ANKFY1: variants seen among roughly 807,000 people sequenced by gnomAD.
ANKFY1 encodes ankyrin repeat and FYVE domain-containing protein 1.
ANKFY1 carries 47 observed loss-of-function variants against 128.3 expected under a neutral mutation model. That is an observed-to-expected ratio of 0.37 (90% CI 0.29 to 0.47). The LOEUF is 0.47. ANKFY1 is among the 20% of genes least tolerant of loss of function. The pLI is 1.00. For missense variants in ANKFY1, 1,222 were observed against 1,510.6 expected (o/e 0.81, Z 3.17); for synonymous variants, 553 against 601.6 (o/e 0.92, Z 1.18).
At chr17:4,180,026 C>T (rs1305877328) in intron 16 of ANKFY1, 149 bp from the exon 17 acceptor site, 3 of 974,654 alleles carry the variant, frequency 3.1e-6, no homozygotes, top group Non-Finnish European at 4.6e-6. Flanking sequence ...CCTCAAATAC[C>T]AGAGTCGGGG....
chr17:4,179,538 T>C, intron 17 of ANKFY1, 183 bp downstream of exon 17: 1 of 722,514 alleles, frequency 1.4e-6, no homozygotes, highest in Non-Finnish European at 2.3e-6. Flanking sequence ...CCTCCTGTTG[T>C]AGTAAGGACA....
At chr17:4,223,637 A>G (rs949550916) in intron 3 of ANKFY1, 52 of 1,548,342 alleles carry the variant, frequency 3.4e-5, no homozygotes, top group Non-Finnish European at 4.2e-5. Context: ...GACGCCCTAC[A>G]TGGACACTGA....
chr17:4,184,639 G>GTTC (rs2059577828), intron 12 of ANKFY1, among the ~76,000 whole-genome samples, 179 bp downstream of exon 12: 1 of 152,164 alleles, frequency 6.6e-6, no homozygotes, highest in Non-Finnish European at 1.5e-5. Context: ...AACACACACA[G>GTTC]GGAAGCAGCA....
chr17:4,189,703 G>T (rs2059680871), intron 10 of ANKFY1, among the ~76,000 whole-genome samples: 1 of 136,900 alleles, frequency 7.3e-6, no homozygotes, highest in African/African-American at 2.9e-5. Flanking sequence ...CAGACAGTAG[G>T]CCCACGCCAG....
In ANKFY1 at chr17:4,164,993, C is replaced by G. The variant is rs537112058; in HGVS notation, c.*2786G>C. 9 of 152,760 alleles carry G rather than the reference C, an allele frequency of 5.9e-5. No homozygotes were observed. The East Asian group carries it at 1.2e-3, about 20-fold the overall frequency. The allele number at this position is 152,760 out of a possible 1,614,324, so 9.5% of individuals were successfully genotyped here. Reference sequence around the variant, plus strand: ...GGGTTGACCGTGCACAGGCCCAAAACTCCAAATGGAACACATGTTCTAACA... The same window carrying G: ...GGGTTGACCGTGCACAGGCCCAAAAGTCCAAATGGAACACATGTTCTAACA... On this transcript the variant is annotated 3_prime_UTR_variant, in exon 25 of 25. Transcript: ENST00000341657.
At chr17:4,212,086 C>T (rs2060143278) in intron 4 of ANKFY1, among the ~76,000 whole-genome samples, 1 of 152,142 alleles carries the variant, frequency 6.6e-6, no homozygotes, top group African/African-American at 2.4e-5. Flanking sequence ...TCCCATGAGA[C>T]CAGGCCCATG....
intron 23 of ANKFY1, among the ~76,000 whole-genome samples, chr17:4,170,271 A>G (rs891651900): frequency 2.6e-5 from 4 of 152,236 alleles, no homozygotes; most frequent in Non-Finnish European, 4.4e-5. Context: ...AGGGAAGAGT[A>G]AAGATTCACA....
rs753545361 is a variant in ANKFY1 at position 4,183,468 on chromosome 17, T to C, written c.1882A>G (p.Met628Val). 93 of 1,613,628 alleles carry C rather than the reference T, an allele frequency of 5.8e-5. No homozygotes were observed. The highest frequency in any genetic ancestry group is 1.8e-4 in the Middle Eastern group (1 of 5,698). The change falls in exon 14 of 25, where the codon ATG (methionine) becomes GTG (valine). Residue 628 changes from methionine to valine, a missense_variant. Transcript: ENST00000341657. ...TMSDGQTLLH[M>V]AIQRQDSKSA... ...TTGCTGTCCTGCCGCTGTATGGCCA[T>C]GTGCAGTAGCGTCTGCCCATCCGAC... is the stretch of plus-strand genomic sequence containing the variant.
At position 4,195,061 on chromosome 17, in the gene ANKFY1, T is replaced by C. The variant is rs781400473; in HGVS notation, c.1289A>G (p.Asn430Ser). ...VNPFEDVPVV[N>S]GTSFDENSFA... ...GCTGTTCTCATCAAATGAAGTCCCA[T>C]TTACCACGGGGACATCTTCGAAGGG... The change falls in exon 10 of 25, where the codon AAT becomes AGT. Residue 430 changes from asparagine to serine, a missense_variant. Physicochemically the swap from Asn to Ser is conservative, Grantham distance 46 (BLOSUM62 1). Transcript: ENST00000341657. The C allele has an allele frequency of 1.9e-6, 3 of 1,614,164 alleles. No homozygotes were observed. Among genetic ancestry groups the C allele is most frequent in the African/African-American group, 1.3e-5 (1 of 75,034 alleles).
At chr17:4,253,968 C>T (rs1967977865) in intron 1 of ANKFY1, among the ~76,000 whole-genome samples, 1 of 152,166 alleles carries the variant, frequency 6.6e-6, no homozygotes, top group African/African-American at 2.4e-5. Context: ...CTGCATTGAC[C>T]AAAACATCAT....
At chr17:4,180,902 C>G (rs2059503781) in intron 16 of ANKFY1, 1 of 200,984 alleles carries the variant, frequency 5.0e-6, no homozygotes, top group African/African-American at 2.3e-5. Context: ...TGTTACGACT[C>G]ACACATCGTG....
chr17:4,169,491 T>A lies in ANKFY1; in HGVS notation c.3287-203A>T, dbSNP rs778843401. On this transcript the variant is annotated intron_variant, in intron 23 of 24. Coordinates refer to ENST00000341657, the MANE Select transcript of ANKFY1 (RefSeq NM_001330063.2). The surrounding 1 kb of genome is among the most constrained non-coding windows in gnomAD (Gnocchi z 5.0). ...AGAATCAGCCCTTGCCCGGGAGACT[T>A]GGGGAGAAGGAAACGGTGGTCAACG... Among the ~76,000 whole-genome samples the A allele has an allele frequency of 6.6e-6, 1 of 151,982 alleles. No homozygotes were observed. Among genetic ancestry groups the A allele is most frequent in the Non-Finnish European group, 1.5e-5 (1 of 67,968 alleles).
Position 4,195,068 on chromosome 17 carries a change from C to T in ANKFY1, c.1282G>A (p.Val428Met), listed in dbSNP as rs370516432. 76 of 1,614,012 alleles carry T rather than the reference C, an allele frequency of 4.7e-5. No homozygotes were observed. The highest frequency in any genetic ancestry group is 6.3e-5 in the Non-Finnish European group (74 of 1,180,032). Residue 428 changes from valine (V) to methionine (M), a missense_variant, in exon 10 of 25, where the codon GTG becomes ATG. Transcript: ENST00000341657. The stretch of plus-strand genomic sequence containing the variant: ...TCATCAAATGAAGTCCCATTTACCA[C>T]GGGGACATCTTCGAAGGGGTTCACA... ...QSVNPFEDVP[V>M]VNGTSFDENS... is the part of the protein sequence containing the mutation.
intron 4 of ANKFY1, among the ~76,000 whole-genome samples, chr17:4,210,501 G>C (rs1354538867): frequency 6.6e-6 from 1 of 152,148 alleles, no homozygotes; most frequent in Non-Finnish European, 1.5e-5. Flanking sequence ...CTGAGGTCGG[G>C]AGTTCGAGAC....
At chr17:4,217,472 G>A (rs1234822305) in intron 3 of ANKFY1, among the ~76,000 whole-genome samples, 2 of 152,018 alleles carry the variant, frequency 1.3e-5, no homozygotes, top group Non-Finnish European at 2.9e-5. Context: ...GCTTGAACCC[G>A]GGAGACGGAG....
intron 22 of ANKFY1, 144 bp downstream of exon 22, chr17:4,172,412 G>A: frequency 8.9e-7 from 1 of 1,127,200 alleles, no homozygotes; most frequent in Non-Finnish European, 1.2e-6. Context: ...CCACAACAGG[G>A]CTCTGTAACT....
intron 1 of ANKFY1, among the ~76,000 whole-genome samples, chr17:4,260,434 T>C (rs1968350916): frequency 6.6e-6 from 1 of 151,584 alleles, no homozygotes; most frequent in African/African-American, 2.4e-5. Flanking sequence ...CTGGACAACA[T>C]CACAAAACCC....
chr17:4,205,720 C>A (rs978933546), intron 7 of ANKFY1, among the ~76,000 whole-genome samples: 1 of 144,590 alleles, frequency 6.9e-6, no homozygotes, highest in East Asian at 2.0e-4. Flanking sequence ...CCAGCCTGGG[C>A]GACAGAACAA....
intron 3 of ANKFY1, among the ~76,000 whole-genome samples, chr17:4,219,660 T>TAC (rs2060276761): frequency 6.6e-6 from 1 of 151,916 alleles, no homozygotes; most frequent in Non-Finnish European, 1.5e-5. Flanking sequence ...GACCCCGACT[T>TAC]ACCTGCAACC....
Sources: allele counts gnomAD v4.1 joint callset (sites outside exome capture counted in the v4.1 genomes callset), GRCh38; gene constraint gnomAD v4.1.1; non-coding constraint Gnocchi (gnomAD v3.1); transcripts MANE v1.5; gene names NCBI Gene and HGNC (gene_info 2026-07-23, HGNC 2026-07-21).